Variants in TMEM132D observed in about 807,000 individuals in gnomAD.
TMEM132D encodes the protein mature OL transmembrane protein.
A neutral mutation model predicts 62.3 loss-of-function variants in TMEM132D; 21 were observed. That is an observed-to-expected ratio of 0.34 (90% CI 0.24 to 0.49). The LOEUF is 0.49. Ranked by LOEUF, TMEM132D falls within the 20% of genes least tolerant of loss-of-function variation. The pLI, the probability that TMEM132D is intolerant of heterozygous loss-of-function variation, is 0.99. For missense variants in TMEM132D, 1,346 were observed against 1,402.8 expected, an observed-to-expected ratio of 0.96 and a Z score of 0.65; for synonymous variants, 621 against 575.6, an observed-to-expected ratio of 1.08 and a Z score of -1.13.
intron 2 of TMEM132D, among the ~76,000 whole-genome samples, chr12:129,554,466 G>A (rs1384518245): frequency 6.6e-6 from 1 of 152,122 alleles, no homozygotes; most frequent in African/African-American, 2.4e-5. Context: ...GAAAGAAAAA[G>A]GTGACCCTTG....
chr12:129,216,628 T>C (rs7303349), intron 4 of TMEM132D, among the ~76,000 whole-genome samples: 123,356 of 152,126 alleles, frequency 0.81, 50,214 homozygotes, highest in Non-Finnish European at 0.85. Context: ...ACTTGCAGCC[T>C]CCAGAACAGT....
intron 1 of TMEM132D, among the ~76,000 whole-genome samples, chr12:129,705,472 A>G (rs894168015): frequency 2.0e-5 from 3 of 152,240 alleles, no homozygotes; most frequent in African/African-American, 4.8e-5. Flanking sequence ...ACAAAATTAG[A>G]TATTAAAAAA....
intron 3 of TMEM132D, among the ~76,000 whole-genome samples, chr12:129,347,553 A>G (rs956967325): frequency 8.5e-5 from 13 of 152,222 alleles, no homozygotes; most frequent in African/African-American, 2.9e-4. Flanking sequence ...TTATACAAAA[A>G]TTAACTCAAG....
chr12:129,129,960 G>C (rs1876323141), intron 5 of TMEM132D, among the ~76,000 whole-genome samples: 1 of 150,940 alleles, frequency 6.6e-6, no homozygotes, highest in Non-Finnish European at 1.5e-5. Flanking sequence ...TATTCTTTGT[G>C]ATTATTTTCC....
chr12:129,788,150 C>T (rs1183475008), intron 1 of TMEM132D, among the ~76,000 whole-genome samples: 2 of 152,202 alleles, frequency 1.3e-5, no homozygotes, highest in Non-Finnish European at 2.9e-5. Context: ...AAAGCTGTGG[C>T]AAAGAGTAGG....
chr12:129,356,070 T>C (rs1049524417), intron 3 of TMEM132D, among the ~76,000 whole-genome samples: 1 of 151,986 alleles, frequency 6.6e-6, no homozygotes, highest in African/African-American at 2.4e-5. Context: ...TACTGGGTTC[T>C]CCTGGAAGCG....
At chr12:129,252,273 C>G (rs1451120349) in intron 4 of TMEM132D, among the ~76,000 whole-genome samples, 1 of 152,092 alleles carries the variant, frequency 6.6e-6, no homozygotes, top group East Asian at 1.9e-4. Context: ...ATAATATAGG[C>G]TGTGGGCAAA....
intron 5 of TMEM132D, among the ~76,000 whole-genome samples, chr12:129,102,193 A>G (rs1352504698): frequency 6.6e-6 from 1 of 152,220 alleles, no homozygotes; most frequent in African/African-American, 2.4e-5. Flanking sequence ...ACGAGGCTGC[A>G]TTCATGAATC....
rs114581373 is a variant in TMEM132D at position 129,760,540 on chromosome 12, G to A, written c.80-59842C>T. Among the ~76,000 whole-genome samples, 729 of 150,192 alleles carry A rather than the reference G, an allele frequency of 4.9e-3. 11 individuals carry two copies. Among genetic ancestry groups the A allele is most frequent in the African/African-American group, 0.017 (706 of 41,254 alleles). ...TGATTTTTGTATTTTTAGCAGAGAT[G>A]GGGTATCCTGTTAGCCAGGATAGTC... is the stretch of plus-strand genomic sequence containing the variant. On this transcript the variant is annotated intron_variant, in intron 1 of 8. Coordinates refer to ENST00000422113, the MANE Select transcript of TMEM132D (RefSeq NM_133448.3).
chr12:129,399,249 A>G (rs1871529091), intron 3 of TMEM132D, among the ~76,000 whole-genome samples: 1 of 150,106 alleles, frequency 6.7e-6, no homozygotes, highest in African/African-American at 2.5e-5. Context: ...TCCCATGACA[A>G]CCAACCCACT....
chr12:129,314,922 A>G (rs1222502500), intron 4 of TMEM132D, among the ~76,000 whole-genome samples: 1 of 151,944 alleles, frequency 6.6e-6, no homozygotes, highest in Non-Finnish European at 1.5e-5. Context: ...AAAAGGGATG[A>G]GTTCTTGATT....
intron 1 of TMEM132D, among the ~76,000 whole-genome samples, chr12:129,899,296 GATGCATGC>G (rs1160123241): frequency 9.1e-6 from 1 of 109,460 alleles, no homozygotes; most frequent in Non-Finnish European, 2.0e-5. Context: ...TGGATGGATG[GATGCATGC>G]ATGGATGGAT....
At chr12:129,199,508 A>G (rs1479978415) in intron 5 of TMEM132D, among the ~76,000 whole-genome samples, 1 of 152,252 alleles carries the variant, frequency 6.6e-6, no homozygotes, top group Non-Finnish European at 1.5e-5. Flanking sequence ...AGAAGAACTT[A>G]CAAGATGAGC....
chr12:129,799,805 G>A (rs1452972891), intron 1 of TMEM132D, among the ~76,000 whole-genome samples: 1 of 152,172 alleles, frequency 6.6e-6, no homozygotes, highest in East Asian at 1.9e-4. Context: ...CACAGACAGA[G>A]GTTGAGCACA....
chr12:129,810,276 A>G (rs1331637307), intron 1 of TMEM132D, among the ~76,000 whole-genome samples: 2 of 152,234 alleles, frequency 1.3e-5, no homozygotes, highest in East Asian at 3.8e-4. Flanking sequence ...CATTATTTTC[A>G]GATGAAATGA....
chr12:129,530,392 G>A (rs1332824077), intron 3 of TMEM132D, among the ~76,000 whole-genome samples: 1 of 152,126 alleles, frequency 6.6e-6, no homozygotes, highest in East Asian at 1.9e-4. Flanking sequence ...GACCAGACTA[G>A]GAAACCCCCA....
chr12:129,121,547 C>T (rs796494937), intron 5 of TMEM132D, among the ~76,000 whole-genome samples: 2 of 152,260 alleles, frequency 1.3e-5, no homozygotes, highest in African/African-American at 4.8e-5. Flanking sequence ...TTGAGAAGGA[C>T]TCAACCCACT....
At chr12:129,809,869 AT>A (rs2137314839) in intron 1 of TMEM132D, among the ~76,000 whole-genome samples, 1 of 152,340 alleles carries the variant, frequency 6.6e-6, no homozygotes, top group South Asian at 2.1e-4. Context: ...GTGTTAATAA[AT>A]TTGAAAATCT....
chr12:129,410,301 G>A (rs576386269), intron 3 of TMEM132D, among the ~76,000 whole-genome samples: 2 of 152,256 alleles, frequency 1.3e-5, no homozygotes, highest in African/African-American at 4.8e-5. Context: ...TTCTCACACT[G>A]ATGATAAAGA....
Sources: allele counts gnomAD v4.1 joint callset (sites outside exome capture counted in the v4.1 genomes callset), GRCh38; gene constraint gnomAD v4.1.1; transcripts MANE v1.5; gene names NCBI Gene and HGNC (gene_info 2026-07-23, HGNC 2026-07-21).